The following MINDY3 variants were observed in gnomAD, a reference collection of about 807,000 sequenced individuals.
MINDY3 encodes the protein ubiquitin carboxyl-terminal hydrolase MINDY-3.
In MINDY3, 38 loss-of-function variants were observed where a neutral mutation model predicts 69.2. That is an observed-to-expected ratio of 0.55 (90% CI 0.42 to 0.72). The LOEUF (loss-of-function observed/expected upper bound fraction) is 0.72. Ranked by LOEUF, MINDY3 falls within the 30% of genes least tolerant of loss-of-function variation. The probability of loss-of-function intolerance (pLI) is 0.00; values close to 1 mark genes in which losing one functional copy is unlikely to be tolerated. For missense variants in MINDY3, 522 were observed against 519.0 expected (o/e 1.01, Z -0.06); for synonymous variants, 192 against 180.1 (o/e 1.07, Z -0.53).
intron 1 of MINDY3, 53 bp from the exon 2 acceptor site, chr10:15,847,996 A>G (rs910813773): frequency 1.4e-6 from 2 of 1,413,610 alleles, no homozygotes; most frequent in Admixed American, 1.7e-5. Flanking sequence ...AGTAGCAGCT[A>G]AAAGAATCTT....
At chr10:15,801,200 G>A (rs1838235876) in intron 10 of MINDY3, among the ~76,000 whole-genome samples, 1 of 152,070 alleles carries the variant, frequency 6.6e-6, no homozygotes, top group African/African-American at 2.4e-5. Flanking sequence ...ATGCCATAAA[G>A]GACATTTATA....
At chr10:15,804,548 T>C (rs1163425801) in intron 10 of MINDY3, among the ~76,000 whole-genome samples, 1 of 152,118 alleles carries the variant, frequency 6.6e-6, no homozygotes, top group Non-Finnish European at 1.5e-5. Flanking sequence ...TCCAAGAGCA[T>C]CGTCATCTAA....
At chr10:15,783,069 C>T (rs1345178623) in intron 13 of MINDY3, among the ~76,000 whole-genome samples, 3 of 152,106 alleles carry the variant, frequency 2.0e-5, no homozygotes, top group Admixed American at 2.0e-4. Flanking sequence ...AGAATTTTTT[C>T]CAACTGGAAT....
At chr10:15,795,820 G>A (rs1837777236) in intron 11 of MINDY3, among the ~76,000 whole-genome samples, 2 of 151,886 alleles carry the variant, frequency 1.3e-5, no homozygotes, top group South Asian at 4.1e-4. Context: ...CAAACAGTTT[G>A]TTCAAAAGGT....
intron 8 of MINDY3, among the ~76,000 whole-genome samples, chr10:15,830,753 G>A (rs1289084278): frequency 1.3e-5 from 2 of 152,206 alleles, no homozygotes; most frequent in African/African-American, 2.4e-5. Context: ...GATTTTCGCA[G>A]GTAGTGAGGT....
At chr10:15,821,806 G>GTA in intron 8 of MINDY3, 80 bp from the exon 9 acceptor site, 1 of 1,093,926 alleles carries the variant, frequency 9.1e-7, no homozygotes, top group Non-Finnish European at 1.3e-6. Flanking sequence ...GTACTTATAT[G>GTA]TATATATATT....
Position 15,783,039 on chromosome 10 carries a change from A to G in MINDY3, c.1117-813T>C, listed in dbSNP as rs116179164. Among the ~76,000 whole-genome samples, 746 of 152,236 alleles carry G rather than the reference A, an allele frequency of 4.9e-3. 10 individuals are homozygous for G. The highest frequency in any genetic ancestry group is 0.017 in the African/African-American group (708 of 41,562). On this transcript the variant is annotated intron_variant, in intron 13 of 14. Coordinates refer to ENST00000277632, the MANE Select transcript of MINDY3 (RefSeq NM_024948.4). ...TCCTGGCCATATCCGATGGATACAA[A>G]CAGGCACATGGCCCTCCTTAGAATT... is the stretch of plus-strand genomic sequence containing the variant.
intron 11 of MINDY3, among the ~76,000 whole-genome samples, chr10:15,792,764 A>AG (rs1837517042): frequency 6.6e-6 from 1 of 152,024 alleles, no homozygotes; most frequent in South Asian, 2.1e-4. Context: ...TACAAGGGGG[A>AG]GGGGATAAAG....
chr10:15,847,068 T>C (rs1833902222), intron 2 of MINDY3, among the ~76,000 whole-genome samples: 1 of 152,120 alleles, frequency 6.6e-6, no homozygotes, highest in Non-Finnish European at 1.5e-5. Flanking sequence ...CCACATTAAA[T>C]ATATATATTT....
intron 1 of MINDY3, among the ~76,000 whole-genome samples, chr10:15,857,490 G>A (rs117983477): frequency 0.017 from 2,529 of 152,268 alleles, 27 homozygotes; most frequent in Middle Eastern, 0.027. Context: ...TTGTGGGAAG[G>A]GGGGAGGATA....
At chr10:15,850,007 G>C (rs903939127) in intron 1 of MINDY3, among the ~76,000 whole-genome samples, 2 of 152,200 alleles carry the variant, frequency 1.3e-5, no homozygotes, top group Non-Finnish European at 2.9e-5. Flanking sequence ...CTGAAGCTGT[G>C]ACAGAAGAAT....
At chr10:15,858,000 A>G in intron 1 of MINDY3, 2 of 927,664 alleles carry the variant, frequency 2.2e-6, no homozygotes, top group South Asian at 5.0e-5. Flanking sequence ...ATGTCACATT[A>G]GTAATGCAGC....
At chr10:15,851,231 T>C (rs1420557496) in intron 1 of MINDY3, among the ~76,000 whole-genome samples, 1 of 152,142 alleles carries the variant, frequency 6.6e-6, no homozygotes, top group Non-Finnish European at 1.5e-5. Flanking sequence ...CTCCTTTCAT[T>C]CTATATATTT....
intron 14 of MINDY3, among the ~76,000 whole-genome samples, chr10:15,779,741 TA>T (rs1270050657): frequency 1.4e-4 from 22 of 152,078 alleles, no homozygotes; most frequent in Admixed American, 1.0e-3. Context: ...AGAAAAAAAT[TA>T]AAAAGGATGT....
chr10:15,779,233 G>C, intron 14 of MINDY3, 92 bp from the exon 15 acceptor site: 1 of 1,063,200 alleles, frequency 9.4e-7, no homozygotes, highest in Non-Finnish European at 1.3e-6. Context: ...TAGCAAATAA[G>C]GTATTACATA....
chr10:15,816,010 G>A (rs1588574235), intron 10 of MINDY3, among the ~76,000 whole-genome samples: 2 of 152,014 alleles, frequency 1.3e-5, no homozygotes, highest in Admixed American at 1.3e-4. Flanking sequence ...TCACGCCTGT[G>A]ATCCCAACAC....
intron 13 of MINDY3, among the ~76,000 whole-genome samples, chr10:15,784,339 T>C (rs1006502180): frequency 6.6e-6 from 1 of 152,214 alleles, no homozygotes; most frequent in Non-Finnish European, 1.5e-5. Flanking sequence ...CAAATAAGTG[T>C]TCTTCCACAG....
Position 15,837,290 on chromosome 10 carries a change from A to C in MINDY3, c.490T>G (p.Leu164Val), listed in dbSNP as rs1265970823. The part of the protein sequence containing the change: ...QKRSFRSLPE[L>V]KDAVLDQYSM... ...TACTGGTCCAAGACAGCATCTTTTA[A>C]TTCTGGTAAACTTCTGAACGATCTT... Residue 164 changes from leucine (L) to valine (V), a missense_variant, in exon 6 of 15, where the codon TTA (leucine) becomes GTA (valine). Transcript: ENST00000277632. 1 of 1,605,954 alleles carries C rather than the reference A, an allele frequency of 6.2e-7. No homozygotes were observed. Among genetic ancestry groups the C allele is most frequent in the Admixed American group, 1.7e-5 (1 of 58,770 alleles).
At chr10:15,827,765 G>C (rs888830346) in intron 8 of MINDY3, among the ~76,000 whole-genome samples, 9 of 152,068 alleles carry the variant, frequency 5.9e-5, no homozygotes, top group Admixed American at 3.3e-4. Context: ...GTAATTCACA[G>C]AAGAAGAATA....
Sources: gnomAD v4.1 joint callset for allele counts (sites outside exome capture counted in the v4.1 genomes callset) on GRCh38, gnomAD v4.1.1 for gene constraint, MANE v1.5 for transcripts, NCBI Gene and HGNC (gene_info 2026-07-23, HGNC 2026-07-21) for gene names.